SGCZ: variants seen among roughly 807,000 people sequenced by gnomAD.
SGCZ encodes sarcoglycan zeta, also known as zeta-sarcoglycan.
SGCZ carries 40 observed loss-of-function variants against 41.3 expected under a neutral mutation model. The ratio of observed to expected loss-of-function variants is 0.97; its 90% CI spans 0.75 to 1.26. The LOEUF (loss-of-function observed/expected upper bound fraction) is 1.26. SGCZ is among the 50% of genes most tolerant of loss of function. SGCZ has a pLI of 0.00. For missense variants in SGCZ, 552 were observed against 369.8 expected (o/e 1.49, Z -4.04); for synonymous variants, 206 against 137.5 (o/e 1.50, Z -3.49).
At chr8:14,287,722 C>T (rs1160739) in intron 3 of SGCZ, among the ~76,000 whole-genome samples, 32,412 of 151,816 alleles carry the variant, frequency 0.21, 3,650 homozygotes, top group East Asian at 0.3. Flanking sequence ...CCATTATCCC[C>T]GATTGGATTC....
intron 2 of SGCZ, among the ~76,000 whole-genome samples, chr8:14,463,127 A>G (rs576484729): frequency 6.6e-6 from 1 of 151,644 alleles, no homozygotes; most frequent in Admixed American, 6.6e-5. Flanking sequence ...TATTATCTGC[A>G]AAAAGATAAT....
At chr8:15,202,452 G>C (rs1271993872) in intron 1 of SGCZ, among the ~76,000 whole-genome samples, 1 of 152,084 alleles carries the variant, frequency 6.6e-6, no homozygotes, top group African/African-American at 2.4e-5. Flanking sequence ...TAAGCTATGA[G>C]GACACAAAGG....
At chr8:14,942,650 C>T (rs1444487530) in intron 1 of SGCZ, among the ~76,000 whole-genome samples, 1 of 152,064 alleles carries the variant, frequency 6.6e-6, no homozygotes, top group African/African-American at 2.4e-5. Context: ...TCCGTAACAC[C>T]CATTTTCCCA....
intron 3 of SGCZ, among the ~76,000 whole-genome samples, chr8:14,299,723 T>C (rs1801124941): frequency 6.6e-6 from 1 of 151,906 alleles, no homozygotes; most frequent in South Asian, 2.1e-4. Context: ...TTGTACCAAA[T>C]ACATCCACTT....
At chr8:14,449,054 C>T (rs1800515976) in intron 2 of SGCZ, among the ~76,000 whole-genome samples, 6 of 152,252 alleles carry the variant, frequency 3.9e-5, no homozygotes, top group Admixed American at 3.9e-4. Flanking sequence ...TGCTCTGATG[C>T]CTCCTTGGCT....
At chr8:14,859,548 T>C (rs1163396320) in intron 1 of SGCZ, among the ~76,000 whole-genome samples, 2 of 152,154 alleles carry the variant, frequency 1.3e-5, no homozygotes, top group Admixed American at 6.6e-5. Context: ...GTAAGATTCA[T>C]AGACAAAGGG....
chr8:14,913,980 TAAA>T (rs139561902), intron 1 of SGCZ, among the ~76,000 whole-genome samples: 1 of 150,996 alleles, frequency 6.6e-6, no homozygotes, highest in Non-Finnish European at 1.5e-5. Flanking sequence ...TGTAGCATAA[TAAA>T]AAAAAATTAG....
chr8:14,943,661 A>C (rs1563380417), intron 1 of SGCZ, among the ~76,000 whole-genome samples: 1 of 152,136 alleles, frequency 6.6e-6, no homozygotes, highest in Non-Finnish European at 1.5e-5. Context: ...TTTGGTGTAC[A>C]AATTATTTCA....
At chr8:14,966,089 A>G (rs758948566) in intron 1 of SGCZ, among the ~76,000 whole-genome samples, 4 of 152,028 alleles carry the variant, frequency 2.6e-5, no homozygotes, top group Non-Finnish European at 5.9e-5. Flanking sequence ...CTGAACATGA[A>G]GAGACACCTG....
intron 1 of SGCZ, among the ~76,000 whole-genome samples, chr8:14,609,111 C>T (rs1250098938): frequency 2.6e-5 from 4 of 151,978 alleles, no homozygotes; most frequent in Non-Finnish European, 5.9e-5. Flanking sequence ...AATTATGCAT[C>T]TTTTTTTAGG....
chr8:14,307,530 C>T (rs556831715), intron 3 of SGCZ, among the ~76,000 whole-genome samples: 1 of 151,974 alleles, frequency 6.6e-6, no homozygotes, highest in Non-Finnish European at 1.5e-5. Flanking sequence ...AACCTTTCTT[C>T]AGCAAAAAAA....
At chr8:14,168,794 T>G (rs1270102509) in intron 4 of SGCZ, among the ~76,000 whole-genome samples, 1 of 152,172 alleles carries the variant, frequency 6.6e-6, no homozygotes, top group Admixed American at 6.5e-5. Flanking sequence ...TTATATGAGA[T>G]CCCTGGAAAA....
At chr8:14,807,398 C>T (rs1801574867) in intron 1 of SGCZ, among the ~76,000 whole-genome samples, 2 of 152,054 alleles carry the variant, frequency 1.3e-5, no homozygotes, top group Admixed American at 1.3e-4. Context: ...GACACAAAAT[C>T]AATGAGCAAA....
chr8:14,745,004 A>G (rs1280631633), intron 1 of SGCZ, among the ~76,000 whole-genome samples: 1 of 152,150 alleles, frequency 6.6e-6, no homozygotes, highest in African/African-American at 2.4e-5. Flanking sequence ...CCTAACACTT[A>G]GCTCTCCAAT....
intron 7 of SGCZ, 61 bp from the exon 8 acceptor site, chr8:14,090,698 C>T: frequency 7.1e-7 from 1 of 1,399,872 alleles, no homozygotes; most frequent in East Asian, 2.4e-5. Context: ...GAGTAATCTA[C>T]ATCCCTCCTC....
intron 3 of SGCZ, among the ~76,000 whole-genome samples, chr8:14,313,908 C>CTGTG (rs1250407051): frequency 2.3e-5 from 2 of 88,826 alleles, no homozygotes; most frequent in East Asian, 4.4e-4. Context: ...TATATCATCT[C>CTGTG]TCTGTGTGTG....
At chr8:14,741,461 A>G (rs1402810461) in intron 1 of SGCZ, among the ~76,000 whole-genome samples, 2 of 152,216 alleles carry the variant, frequency 1.3e-5, no homozygotes, top group African/African-American at 2.4e-5. Context: ...ACGTTTTATA[A>G]CAGATAAGCA....
At chr8:14,992,391 C>G (rs1332633396) in intron 1 of SGCZ, among the ~76,000 whole-genome samples, 2 of 149,144 alleles carry the variant, frequency 1.3e-5, no homozygotes, top group Non-Finnish European at 3.0e-5. Context: ...CTATTTACCT[C>G]TCACCCTCAA....
At chr8:15,119,114 T>C (rs954997909) in intron 1 of SGCZ, among the ~76,000 whole-genome samples, 2 of 152,206 alleles carry the variant, frequency 1.3e-5, no homozygotes, top group Non-Finnish European at 2.9e-5. Context: ...CTTATCCTTT[T>C]AAGGGTGTAA....
Sources: allele counts gnomAD v4.1 joint callset (sites outside exome capture counted in the v4.1 genomes callset), GRCh38; gene constraint gnomAD v4.1.1; transcripts MANE v1.5; gene names NCBI Gene and HGNC (gene_info 2026-07-23, HGNC 2026-07-21).